Variants in ZNF841 observed in about 807,000 individuals in gnomAD.
The protein encoded by ZNF841 is zinc finger protein 841.
Under a neutral mutation model 13.0 loss-of-function variants are expected in ZNF841, and 11 were observed. That is an observed-to-expected ratio of 0.85 (90% CI 0.53 to 1.40). The LOEUF is 1.40. ZNF841 is among the 40% of genes most tolerant of loss of function. The pLI is 0.00. For synonymous variants in ZNF841, 369 were observed against 381.6 expected (o/e 0.97, Z 0.38); for missense variants, 1,068 against 1,139.5 (o/e 0.94, Z 0.90).
At chr19:52,085,482 A>G (rs1334529169) in intron 3 of ZNF841, among the ~76,000 whole-genome samples, 1 of 152,242 alleles carries the variant, frequency 6.6e-6, no homozygotes, top group African/African-American at 2.4e-5. Flanking sequence ...CAGTTTGTAG[A>G]CAGTAGAACA....
downstream of ZNF841, chr19:52,064,367 A>AC (rs1301830387): frequency 6.0e-4 from 79 of 130,894 alleles, 5 homozygotes; most frequent in African/African-American, 2.7e-3. Context: ...AAAAAAAAAA[A>AC]AAAAAAAAAA....
chr19:52,065,312 G>A lies in ZNF841; in HGVS notation c.2570C>T (p.Ala857Val), dbSNP rs769121903. The change falls in exon 7 of 7, where the codon GCG becomes GTG. Residue 857 changes from alanine to valine, a missense_variant. Coordinates refer to ENST00000594440, the MANE Select transcript of ZNF841 (RefSeq NM_001136499.2). ...AGTGAGGCAAGACCGCCGCCCAAAC[G>A]CCTTGCCACATTCCATACATTTGTA... ...KPYKCMECGK[A>V]FGRRSCLTKH... 29 of 1,611,652 alleles carry A rather than the reference G, an allele frequency of 1.8e-5. No individual in the cohort carries two copies. In the East Asian group the frequency reaches 4.5e-4, roughly 25 times the overall value.
rs1461835502 is a variant in ZNF841 at position 52,076,031 on chromosome 19, T to C, written c.271+13A>G. On this transcript the variant is annotated intron_variant, in intron 6 of 6. Coordinates refer to ENST00000594440, the MANE Select transcript of ZNF841 (RefSeq NM_001136499.2). ...CATGGTACCGCTTCCATTGTGCCCA[T>C]CTGAGCTCTTACCGGTGATCACGCC... 1 of 1,552,052 alleles carries C rather than the reference T, an allele frequency of 6.4e-7. No individual in the cohort carries two copies. Among genetic ancestry groups the C allele is most frequent in the East Asian group, 2.4e-5 (1 of 40,966 alleles).
chr19:52,075,744 C>T (rs545361031), intron 6 of ZNF841, among the ~76,000 whole-genome samples: 1 of 152,294 alleles, frequency 6.6e-6, no homozygotes, highest in African/African-American at 2.4e-5. Flanking sequence ...GGGAAAGAGA[C>T]TTCTTTGAAA....
intron 4 of ZNF841, among the ~76,000 whole-genome samples, chr19:52,084,545 A>G (rs545665478): frequency 6.6e-6 from 1 of 152,202 alleles, no homozygotes; most frequent in Admixed American, 6.5e-5. Flanking sequence ...GTCTCCATCC[A>G]TGTCTGGGTG....
intron 6 of ZNF841, among the ~76,000 whole-genome samples, chr19:52,073,831 C>T (rs971714412): frequency 6.6e-6 from 1 of 151,974 alleles, no homozygotes; most frequent in Admixed American, 6.6e-5. Context: ...AAGAAAAAAA[C>T]AGTGCAATTT....
At chr19:52,062,278 CAT>C (rs1433479752), downstream of ZNF841, among the ~76,000 whole-genome samples, 1 of 152,054 alleles carries the variant, frequency 6.6e-6, no homozygotes, top group African/African-American at 2.4e-5. Flanking sequence ...AGCTGCAAAA[CAT>C]GTGAAGCAAC....
At chr19:52,068,458 C>T (rs2087648400) in intron 6 of ZNF841, among the ~76,000 whole-genome samples, 1 of 151,856 alleles carries the variant, frequency 6.6e-6, no homozygotes, top group South Asian at 2.1e-4. Context: ...GGGTGGATCA[C>T]GAGGTCAGGA....
intron 3 of ZNF841, among the ~76,000 whole-genome samples, chr19:52,085,906 CATGA>C (rs2088258446): frequency 6.6e-6 from 1 of 152,212 alleles, no homozygotes; most frequent in Non-Finnish European, 1.5e-5. Flanking sequence ...TTCTTTATCA[CATGA>C]ATTAAAGCAC....
At chr19:52,082,589 T>A (rs373966927) in intron 4 of ZNF841, among the ~76,000 whole-genome samples, 7 of 152,240 alleles carry the variant, frequency 4.6e-5, no homozygotes, top group African/African-American at 1.7e-4. Context: ...TGGTATACCA[T>A]CCTAAAAGAA....
chr19:52,076,761 T>C, intron 5 of ZNF841, 197 bp downstream of exon 5: 1 of 541,246 alleles, frequency 1.8e-6, no homozygotes, highest in Non-Finnish European at 3.2e-6. Flanking sequence ...TCACCACTAA[T>C]GTACAAAGAA....
intron 3 of ZNF841, among the ~76,000 whole-genome samples, chr19:52,088,295 TG>T (rs902284299): frequency 2.6e-5 from 4 of 152,154 alleles, no homozygotes; most frequent in Admixed American, 2.6e-4. Flanking sequence ...AATATGAGTT[TG>T]GATTGTATGG....
intron 3 of ZNF841, among the ~76,000 whole-genome samples, chr19:52,087,550 TGTTTTTTATGGGA>T (rs2088315691): frequency 6.6e-6 from 1 of 152,168 alleles, no homozygotes; most frequent in Admixed American, 6.5e-5. Flanking sequence ...ATGATCTCAT[TGTTTTTTATGGGA>T]AGGCTGTTGT....
At chr19:52,079,944 T>C (rs2088040943) in intron 4 of ZNF841, among the ~76,000 whole-genome samples, 1 of 140,858 alleles carries the variant, frequency 7.1e-6, no homozygotes, top group Admixed American at 7.7e-5. Context: ...TGAGCTGAGA[T>C]CGCACTATTG....
At chr19:52,080,466 C>T (rs1215978177) in intron 4 of ZNF841, among the ~76,000 whole-genome samples, 1 of 152,228 alleles carries the variant, frequency 6.6e-6, no homozygotes, top group Non-Finnish European at 1.5e-5. Context: ...AAACCCACAA[C>T]TCCCAAGATC....
chr19:52,094,098 T>G (rs1314617259), intron 1 of ZNF841, 127 bp from the exon 2 acceptor site: 1 of 152,168 alleles, frequency 6.6e-6, no homozygotes, highest in South Asian at 2.1e-4. Flanking sequence ...TCCTTTATGC[T>G]CTACTCCATC....
In ZNF841 at chr19:52,064,700, C is replaced by T. The variant is rs2087483238; in HGVS notation, c.*407G>A. Reference sequence around the variant, plus strand: ...CCAGGCTAGAGTGCAGTGGCGCGATCTCGGCTCACTGCAACCTCCGCCTCC... The same window carrying T: ...CCAGGCTAGAGTGCAGTGGCGCGATTTCGGCTCACTGCAACCTCCGCCTCC... On this transcript the variant is annotated 3_prime_UTR_variant, in exon 7 of 7. Coordinates refer to ENST00000594440, the MANE Select transcript of ZNF841 (RefSeq NM_001136499.2). 1 of 157,972 alleles carries T rather than the reference C, an allele frequency of 6.3e-6. No individual in the cohort carries two copies. Among genetic ancestry groups the T allele is most frequent in the African/African-American group, 2.4e-5 (1 of 41,476 alleles). The allele number at this position is 157,972 out of a possible 1,614,324, so 9.8% of individuals were successfully genotyped here. A position where few individuals can be genotyped will look rare whatever the true frequency, so the allele number is the denominator to read the frequency against.
In ZNF841 at chr19:52,090,630, A is replaced by AGAAAGAAGGAAGGAAG. The variant is rs1555782680; in HGVS notation, c.-143-1629_-143-1628insCTTCCTTCCTTCTTTC. Among the ~76,000 whole-genome samples, 499 of 90,526 alleles carry AGAAAGAAGGAAGGAAG rather than the reference A, an allele frequency of 5.5e-3. 26 individuals are homozygous for AGAAAGAAGGAAGGAAG. The highest frequency in any genetic ancestry group is 0.016 in the East Asian group (44 of 2,742). 59.4% of individuals were successfully genotyped at this position (90,526 alleles called of 152,430 possible). A position where few individuals can be genotyped will look rare whatever the true frequency, so the allele number is the denominator to read the frequency against. ...CTTAAAAAAAGAAAGAAAGAAAGAA[A>AGAAAGAAGGAAGGAAG]GAAGGAAGGAAGGAAGGAAGGAAGG... On this transcript the variant is annotated intron_variant, in intron 2 of 6. Coordinates refer to ENST00000594440, the MANE Select transcript of ZNF841 (RefSeq NM_001136499.2).
intron 3 of ZNF841, among the ~76,000 whole-genome samples, chr19:52,088,186 G>T (rs1228809625): frequency 6.6e-6 from 1 of 152,078 alleles, no homozygotes; most frequent in Non-Finnish European, 1.5e-5. Flanking sequence ...ACAGTTCTGG[G>T]TTCCACGCTC....
Sources: gnomAD v4.1 joint callset for allele counts (sites outside exome capture counted in the v4.1 genomes callset) on GRCh38, gnomAD v4.1.1 for gene constraint, MANE v1.5 for transcripts, NCBI Gene and HGNC (gene_info 2026-07-23, HGNC 2026-07-21) for gene names.